SSH1: variants seen among roughly 807,000 people sequenced by gnomAD.
SSH1 encodes protein phosphatase Slingshot homolog 1.
SSH1 carries 43 observed loss-of-function variants against 79.7 expected under a neutral mutation model. The ratio of observed to expected loss-of-function variants is 0.54; its 90% CI spans 0.42 to 0.70. The LOEUF (loss-of-function observed/expected upper bound fraction) is 0.70. SSH1 is among the 30% of genes least tolerant of loss of function. SSH1 has a pLI of 0.00. For synonymous variants in SSH1, 599 were observed against 538.3 expected, an observed-to-expected ratio of 1.11 and a Z score of -1.56; for missense variants, 1,206 against 1,358.8, an observed-to-expected ratio of 0.89 and a Z score of 1.77.
intron 4 of SSH1, 77 bp downstream of exon 4, chr12:108,818,172 T>G: frequency 1.6e-6 from 2 of 1,232,930 alleles, no homozygotes; most frequent in South Asian, 2.4e-5. Context: ...CACTCCAGCC[T>G]GGGCAACAGA....
chr12:108,795,597 TG>T (rs1395762862), intron 13 of SSH1, among the ~76,000 whole-genome samples: 7 of 151,350 alleles, frequency 4.6e-5, no homozygotes, highest in Non-Finnish European at 8.8e-5. Context: ...GGGCCAGGTG[TG>T]GTGGCCCAGC....
intron 7 of SSH1, among the ~76,000 whole-genome samples, chr12:108,808,263 A>G (rs887409245): frequency 1.3e-5 from 2 of 152,104 alleles, no homozygotes; most frequent in Non-Finnish European, 2.9e-5. Context: ...TAAAGGGCTC[A>G]CTCTTGGAGT....
intron 2 of SSH1, chr12:108,827,247 GGGTGGT>G: frequency 6.5e-7 from 1 of 1,541,080 alleles, no homozygotes; most frequent in Non-Finnish European, 8.8e-7. Context: ...CCAGTAATCA[GGGTGGT>G]CATACGTACT....
chr12:108,819,091 C>T (rs1445570548), intron 3 of SSH1, among the ~76,000 whole-genome samples: 1 of 152,062 alleles, frequency 6.6e-6, no homozygotes, highest in Non-Finnish European at 1.5e-5. Flanking sequence ...TGGAGGCAGA[C>T]ATTATTTCCA....
intron 2 of SSH1, chr12:108,826,202 T>C (rs1421647871): frequency 2.3e-6 from 1 of 440,066 alleles, no homozygotes; most frequent in Non-Finnish European, 4.5e-6. Context: ...TATATTTCCT[T>C]TGGAAAAAAA....
At chr12:108,854,586 G>A (rs893214957) in intron 1 of SSH1, among the ~76,000 whole-genome samples, 5 of 152,182 alleles carry the variant, frequency 3.3e-5, no homozygotes, top group African/African-American at 1.2e-4. Flanking sequence ...GCTGTGTCAG[G>A]AAAGCACTGC....
chr12:108,850,798 G>A, intron 2 of SSH1, among the ~76,000 whole-genome samples: 1 of 140,882 alleles, frequency 7.1e-6, no homozygotes, highest in Admixed American at 7.1e-5. Flanking sequence ...CTGGGGAAGG[G>A]GATTTTGGGG....
At position 108,814,545 on chromosome 12, in the gene SSH1, G is replaced by A. The variant is rs190567257; in HGVS notation, c.401+2493C>T. Among the ~76,000 whole-genome samples, 6 of 152,196 alleles carry A rather than the reference G, an allele frequency of 3.9e-5. No homozygotes were observed. In the East Asian group the frequency reaches 5.8e-4, roughly 15 times the overall value. On this transcript the variant is annotated intron_variant, in intron 5 of 14. Coordinates refer to ENST00000326495, the MANE Select transcript of SSH1 (RefSeq NM_018984.4). ...GGAGAAGGCCCAGTTCCCAGCCCCC[G>A]GGATTCCCTGGGCACAGAAGGCAGC...
chr12:108,801,045 T>C lies in SSH1; in HGVS notation c.1002-119A>G, dbSNP rs528554213. The C allele has an allele frequency of 7.8e-4, 805 of 1,034,406 alleles. 11 individuals carry two copies. The South Asian group carries it at 0.011, about 14-fold the overall frequency. 64.1% of individuals were successfully genotyped at this position (1,034,406 alleles called of 1,614,324 possible). On this transcript the variant is annotated intron_variant, in intron 11 of 14. Coordinates refer to ENST00000326495, the MANE Select transcript of SSH1 (RefSeq NM_018984.4). ...CACACATTAACCAAGGGTCATATGT[T>C]CGTGGCGGGACTTTGGTTTTTCCTT...
chr12:108,803,034 G>A (rs1222997492), intron 10 of SSH1, among the ~76,000 whole-genome samples: 1 of 151,178 alleles, frequency 6.6e-6, no homozygotes, highest in Non-Finnish European at 1.5e-5. Flanking sequence ...TAATGACACA[G>A]GCAAATACCA....
intron 5 of SSH1, among the ~76,000 whole-genome samples, chr12:108,815,837 G>C (rs1348216125): frequency 6.6e-6 from 1 of 152,170 alleles, no homozygotes; most frequent in Non-Finnish European, 1.5e-5. Context: ...TGTACTGCGG[G>C]GGTGGGGGCC....
rs1449445161 is a variant in SSH1, at chr12:108,789,214, C to T, written c.1924G>A (p.Val642Met). Reference sequence around the variant, plus strand: ...GCACAGGATTTATAGGAAGGCTTCACTTTGTTAAGGATCCCAAATATAGCA... The same window carrying T: ...GCACAGGATTTATAGGAAGGCTTCATTTTGTTAAGGATCCCAAATATAGCA... Reference protein sequence around the residue: ...DDAIFGILNKVKPSYKSCADC... With the variant: ...DDAIFGILNKMKPSYKSCADC... The change falls in exon 15 of 15, where the codon GTG (valine) becomes ATG (methionine). Residue 642 changes from valine to methionine, a missense_variant. Around this residue, in one of 5 missense-constraint regions of SSH1, gnomAD observed 709 missense variants for 730.6 expected, o/e 0.97. Transcript: ENST00000326495. 3 of 1,603,242 alleles carry T rather than the reference C, an allele frequency of 1.9e-6. No individual in the cohort carries two copies. The highest frequency in any genetic ancestry group is 1.7e-6 in the Non-Finnish European group (2 of 1,174,556).
At chr12:108,791,331 A>G (rs1444560630) in intron 14 of SSH1, among the ~76,000 whole-genome samples, 1 of 152,152 alleles carries the variant, frequency 6.6e-6, no homozygotes, top group Non-Finnish European at 1.5e-5. Flanking sequence ...GATAGTTTCC[A>G]TCTCCTGACC....
intron 13 of SSH1, 65 bp from the exon 14 acceptor site, chr12:108,792,894 G>A (rs1737726028): frequency 4.4e-6 from 7 of 1,602,112 alleles, no homozygotes; most frequent in Non-Finnish European, 6.0e-6. Flanking sequence ...GCTGGGAAGA[G>A]TATGCGGTGA....
chr12:108,811,516 C>T (rs534442675), intron 5 of SSH1, 188 bp from the exon 6 acceptor site: 18 of 651,716 alleles, frequency 2.8e-5, no homozygotes, highest in African/African-American at 2.5e-4. Context: ...GACACAACTC[C>T]GTAAGTGCTC....
At chr12:108,789,267 A>G (rs377328540) in intron 14 of SSH1, 23 bp from the exon 15 acceptor site, 1 of 1,578,548 alleles carries the variant, frequency 6.3e-7, no homozygotes, top group Non-Finnish European at 8.6e-7. Context: ...GGACAAGAGC[A>G]TGGTGAGACG....
chr12:108,847,515 G>C (rs1024388073), intron 2 of SSH1, among the ~76,000 whole-genome samples: 20 of 152,288 alleles, frequency 1.3e-4, no homozygotes, highest in African/African-American at 4.8e-4. Context: ...CCAGGCTGGA[G>C]TGCAGTGACG....
chr12:108,838,502 C>T (rs1172483396), intron 2 of SSH1, among the ~76,000 whole-genome samples: 1 of 152,186 alleles, frequency 6.6e-6, no homozygotes, highest in East Asian at 1.9e-4. Context: ...CTGACCTGCC[C>T]GTGCAGGCCT....
At chr12:108,856,681 C>G (rs1460248875) in intron 1 of SSH1, among the ~76,000 whole-genome samples, 1 of 152,234 alleles carries the variant, frequency 6.6e-6, no homozygotes, top group Non-Finnish European at 1.5e-5. Context: ...GGGAAACAAT[C>G]TCACACGTTT....
Sources: gnomAD v4.1 joint callset for allele counts (sites outside exome capture counted in the v4.1 genomes callset) on GRCh38, gnomAD v4.1.1 for gene constraint, gnomAD v4.1.1 regional missense constraint, MANE v1.5 for transcripts, NCBI Gene and HGNC (gene_info 2026-07-23, HGNC 2026-07-21) for gene names.